Variants in DMD observed in about 807,000 individuals in gnomAD.
DMD encodes the protein mutant dystrophin.
In DMD, 63 loss-of-function variants were observed where a neutral mutation model predicts 330.1. The observed-to-expected ratio is 0.19, with a 90% CI of 0.16 to 0.24. The LOEUF is 0.24. DMD is among the 10% of genes least tolerant of loss of function. The pLI is 1.00. For synonymous variants in DMD, 1,223 were observed against 959.8 expected (o/e 1.27, Z -5.07); for missense variants, 3,344 against 2,684.1 (o/e 1.25, Z -5.43).
At chrX:31,328,683 C>T (rs1194409335) in intron 61 of DMD, among the ~76,000 whole-genome samples, 1 of 110,232 alleles carries the variant, frequency 9.1e-6, no homozygotes, top group East Asian at 2.8e-4. Context: ...CCTTATATTC[C>T]AATGGGAATA....
chrX:32,611,554 T>C (rs1303974800), intron 12 of DMD, among the ~76,000 whole-genome samples: 1 of 111,758 alleles, frequency 8.9e-6, no homozygotes, highest in Non-Finnish European at 1.9e-5. Flanking sequence ...CAGAAAAAAC[T>C]ACAAAACATT....
At chrX:31,944,154 T>C (rs1469529507) in intron 45 of DMD, among the ~76,000 whole-genome samples, 1 of 111,584 alleles carries the variant, frequency 9.0e-6, no homozygotes, top group African/African-American at 3.3e-5. Context: ...CTGAGACCCA[T>C]GCAGTGGTTC....
intron 2 of DMD, among the ~76,000 whole-genome samples, chrX:32,905,942 G>A (rs749441329): frequency 1.8e-5 from 2 of 111,854 alleles, no homozygotes; most frequent in Non-Finnish European, 3.8e-5. Context: ...GAGAATCACT[G>A]AATAATTTAA....
intron 49 of DMD, among the ~76,000 whole-genome samples, chrX:31,830,029 T>C (rs1335204149): frequency 1.8e-5 from 2 of 112,584 alleles, no homozygotes; most frequent in African/African-American, 6.5e-5. Context: ...CTATCTCTTA[T>C]GTCTCAATTA....
chrX:31,718,262 G>A (rs1449456979), intron 52 of DMD, among the ~76,000 whole-genome samples: 4 of 111,080 alleles, frequency 3.6e-5, no homozygotes, highest in Non-Finnish European at 5.7e-5. Flanking sequence ...CAAATTTCTC[G>A]AGCAAGTTCT....
chrX:31,591,172 G>A lies in DMD; in HGVS notation c.8217+36501C>T, dbSNP rs748232408. Among the ~76,000 whole-genome samples, 33 of 111,998 alleles carry A rather than the reference G, an allele frequency of 2.9e-4. No homozygotes were observed. In the South Asian group the frequency reaches 4.8e-3, roughly 16 times the overall value. ...TATATTGGGTTATATACAACATACT[G>A]TTGAAATTAATTTCACTTCTTTATT... is the stretch of plus-strand genomic sequence containing the variant. On this transcript the variant is annotated intron_variant, in intron 55 of 78. Transcript: ENST00000357033.
intron 1 of DMD, among the ~76,000 whole-genome samples, chrX:33,329,474 A>G (rs1224143605): frequency 1.8e-5 from 2 of 112,314 alleles, no homozygotes; most frequent in African/African-American, 6.5e-5. Flanking sequence ...AAGTGGAATT[A>G]TTTTTAAGAG....
At chrX:31,223,252 A>G (rs1370929010) in intron 63 of DMD, 131 bp from the exon 64 acceptor site, 1 of 569,339 alleles carries the variant, frequency 1.8e-6, no homozygotes, top group Non-Finnish European at 3.0e-6. Flanking sequence ...TAGTGTGTAT[A>G]CGCCAAGCTT....
At chrX:32,110,476 T>A (rs1177637943) in intron 44 of DMD, among the ~76,000 whole-genome samples, 1 of 112,213 alleles carries the variant, frequency 8.9e-6, no homozygotes, top group Non-Finnish European at 1.9e-5. Context: ...GTTGAAGTCA[T>A]ATAAACAAGT....
intron 43 of DMD, among the ~76,000 whole-genome samples, chrX:32,260,135 G>T (rs947487338): frequency 9.0e-6 from 1 of 110,935 alleles, no homozygotes; most frequent in Admixed American, 9.7e-5. Context: ...TTGAATCCTG[G>T]AAAGTGGGAA....
At chrX:32,646,853 G>A (rs1485531081) in intron 9 of DMD, among the ~76,000 whole-genome samples, 1 of 111,408 alleles carries the variant, frequency 9.0e-6, no homozygotes, top group Non-Finnish European at 1.9e-5. Flanking sequence ...AGGTCATCCT[G>A]GTAAGTCAAA....
At chrX:32,585,699 C>CAAGAAA (rs2054189819) in intron 13 of DMD, among the ~76,000 whole-genome samples, 1 of 31,919 alleles carries the variant, frequency 3.1e-5, no homozygotes, top group African/African-American at 1.0e-4. Flanking sequence ...GACTCCGTCT[C>CAAGAAA]AAAAAAAAAA....
Position 32,365,007 on chromosome X carries a change from C to A in DMD, c.5025+13G>T, listed in dbSNP as rs779484327. ...CAGAGAAGGGTGTAAAAGCTTCTAG[C>A]CTTTTCTCTTACCAACAAAAGATTT... is the stretch of plus-strand genomic sequence containing the variant. On this transcript the variant is annotated intron_variant, in intron 35 of 78. Transcript: ENST00000357033. 56 of 1,206,963 alleles carry A rather than the reference C, an allele frequency of 4.6e-5. No homozygotes were observed. Among genetic ancestry groups the A allele is most frequent in the Middle Eastern group, 4.6e-4 (2 of 4,345 alleles).
intron 55 of DMD, among the ~76,000 whole-genome samples, chrX:31,560,492 C>T (rs1481152394): frequency 8.9e-6 from 1 of 111,890 alleles, no homozygotes; most frequent in Non-Finnish European, 1.9e-5. Context: ...ATGGGCTTCA[C>T]AATGATCAGG....
At chrX:32,881,974 G>A (rs2083989939) in intron 2 of DMD, among the ~76,000 whole-genome samples, 1 of 112,320 alleles carries the variant, frequency 8.9e-6, no homozygotes, top group Non-Finnish European at 1.9e-5. Flanking sequence ...TGCACTTACT[G>A]TCCTTATTAG....
At chrX:31,888,982 T>A (rs1441339347) in intron 47 of DMD, among the ~76,000 whole-genome samples, 1 of 112,384 alleles carries the variant, frequency 8.9e-6, no homozygotes, top group Admixed American at 9.5e-5. Context: ...GTTTTAAGTA[T>A]CTGATAACAG....
chrX:33,025,304 G>T (rs774598373), intron 1 of DMD, among the ~76,000 whole-genome samples: 1 of 111,331 alleles, frequency 9.0e-6, no homozygotes, highest in East Asian at 2.8e-4. Context: ...GAAAGTACAC[G>T]CTCATTCATT....
At chrX:32,245,389 C>G (rs1399366140) in intron 43 of DMD, among the ~76,000 whole-genome samples, 3 of 81,498 alleles carry the variant, frequency 3.7e-5, no homozygotes, top group East Asian at 5.0e-4. Flanking sequence ...TTGAAGTCAG[C>G]TAGTGTGATG....
intron 60 of DMD, among the ~76,000 whole-genome samples, chrX:31,395,067 C>T (rs576760215): frequency 1.8e-5 from 2 of 109,830 alleles, no homozygotes; most frequent in East Asian, 2.9e-4. Context: ...TTTGAGGAAT[C>T]GCTTTCCCCA....
Sources: allele counts gnomAD v4.1 joint callset (sites outside exome capture counted in the v4.1 genomes callset), GRCh38; gene constraint gnomAD v4.1.1; transcripts MANE v1.5; gene names NCBI Gene and HGNC (gene_info 2026-07-23, HGNC 2026-07-21).